CDH22: variants seen among roughly 807,000 people sequenced by gnomAD.
CDH22 encodes cadherin-22.
In CDH22, 30 loss-of-function variants were observed where a neutral mutation model predicts 58.4. The ratio of observed to expected loss-of-function variants is 0.51; its 90% CI spans 0.38 to 0.70. The LOEUF (loss-of-function observed/expected upper bound fraction) is 0.70. Ranked by LOEUF, CDH22 falls within the 30% of genes least tolerant of loss-of-function variation. CDH22 has a pLI of 0.00. For missense variants in CDH22, 1,014 were observed against 1,233.9 expected, an observed-to-expected ratio of 0.82 and a Z score of 2.67; for synonymous variants, 513 against 558.2, an observed-to-expected ratio of 0.92 and a Z score of 1.14.
At chr20:46,229,287 T>C (rs1306951051) in intron 3 of CDH22, among the ~76,000 whole-genome samples, 1 of 113,522 alleles carries the variant, frequency 8.8e-6, no homozygotes, top group African/African-American at 4.8e-5. Context: ...AGATGCAGAG[T>C]GGCCCCCCCC....
In CDH22 at chr20:46,177,988, C is replaced by T. The variant is rs35412957; in HGVS notation, c.1873G>A (p.Gly625Ser). ...CAGACCAAGAGGGCGATGAGGGCGCCGGGGCTGAGGGAGGCGGCCATGACA... is the reference window on the plus strand; with the variant it reads ...CAGACCAAGAGGGCGATGAGGGCGCTGGGGCTGAGGGAGGCGGCCATGACA... ...AFVMAASLSP[G>S]ALIALLVCVL... The change falls in exon 11 of 12, where the codon GGC becomes AGC. Residue 625 changes from glycine to serine, a missense_variant. Coordinates refer to ENST00000537909, the MANE Select transcript of CDH22 (RefSeq NM_021248.3). 1.2e-5 allele frequency: 20 copies of T among 1,613,814 alleles called. No individual in the cohort carries two copies. The highest frequency in any genetic ancestry group is 4.0e-5 in the African/African-American group (3 of 74,882).
chr20:46,179,875 T>A (rs2085771967), intron 10 of CDH22, among the ~76,000 whole-genome samples: 1 of 152,204 alleles, frequency 6.6e-6, no homozygotes, highest in Admixed American at 6.5e-5. Flanking sequence ...CGGCTCCCTG[T>A]CTAGGCCGCC....
chr20:46,178,315 C>A, intron 10 of CDH22, 118 bp from the exon 11 acceptor site: 2 of 1,116,168 alleles, frequency 1.8e-6, no homozygotes, highest in African/African-American at 1.5e-5. Context: ...TACAGCCTCC[C>A]AATGGACTCA....
chr20:46,308,372 GA>G lies in CDH22; in HGVS notation c.-518del. 1 of 192,262 alleles carries G rather than the reference GA, an allele frequency of 5.2e-6. No homozygotes were observed. The allele number at this position is 192,262 out of a possible 1,614,324, so 11.9% of individuals were successfully genotyped here. ...GCCCCGCGGCCGCCCGCAGGAGCCG[GA>G]GGGAGAGCGGGAGCGAGAGGGGGAG... On this transcript the variant is annotated 5_prime_UTR_variant, in exon 1 of 12. Coordinates refer to ENST00000537909, the MANE Select transcript of CDH22 (RefSeq NM_021248.3). The surrounding 1 kb of genome is among the most constrained non-coding windows in gnomAD (Gnocchi z 4.3).
At chr20:46,260,306 T>G (rs1054860694) in intron 1 of CDH22, among the ~76,000 whole-genome samples, 1 of 152,210 alleles carries the variant, frequency 6.6e-6, no homozygotes, top group Non-Finnish European at 1.5e-5. Flanking sequence ...CAGAACAATC[T>G]GTGTCCTTGG....
At chr20:46,277,220 A>G (rs1484737089) in intron 1 of CDH22, among the ~76,000 whole-genome samples, 2 of 152,268 alleles carry the variant, frequency 1.3e-5, no homozygotes, top group Non-Finnish European at 2.9e-5. Flanking sequence ...AGGCTGTTAG[A>G]ATGGTCCCTT....
chr20:46,178,219 C>A (rs748954887), intron 10 of CDH22, 22 bp from the exon 11 acceptor site: 1 of 1,601,826 alleles, frequency 6.2e-7, no homozygotes, highest in Admixed American at 1.7e-5. Flanking sequence ...GAAGGGGGAG[C>A]GGTGTGACTT....
At chr20:46,181,124 G>A (rs1381152353) in intron 10 of CDH22, among the ~76,000 whole-genome samples, 2 of 151,992 alleles carry the variant, frequency 1.3e-5, no homozygotes, top group Non-Finnish European at 2.9e-5. Context: ...CACCATGCTA[G>A]TCGCCATGAG....
intron 10 of CDH22, among the ~76,000 whole-genome samples, chr20:46,179,305 T>G (rs2085767709): frequency 6.6e-6 from 1 of 152,214 alleles, no homozygotes; most frequent in Non-Finnish European, 1.5e-5. Context: ...AGTCTGCTGT[T>G]TCTAATCTGA....
At chr20:46,186,102 T>C (rs1316370283) in intron 10 of CDH22, among the ~76,000 whole-genome samples, 1 of 150,332 alleles carries the variant, frequency 6.7e-6, no homozygotes, top group African/African-American at 2.5e-5. Context: ...TGCTCCGAGC[T>C]ACTTGGGAGG....
chr20:46,183,861 C>T (rs1431505341), intron 10 of CDH22, among the ~76,000 whole-genome samples: 1 of 152,188 alleles, frequency 6.6e-6, no homozygotes, highest in Non-Finnish European at 1.5e-5. Flanking sequence ...GGCCCCCTCG[C>T]TGACCACATC....
intron 1 of CDH22, among the ~76,000 whole-genome samples, chr20:46,264,711 A>T (rs2086449812): frequency 6.6e-6 from 1 of 152,114 alleles, no homozygotes; most frequent in Non-Finnish European, 1.5e-5. Flanking sequence ...GGCTCTCAGC[A>T]TGAACCATGT....
chr20:46,181,866 G>T (rs2085792030), intron 10 of CDH22, among the ~76,000 whole-genome samples: 1 of 149,108 alleles, frequency 6.7e-6, no homozygotes, highest in East Asian at 2.0e-4. Flanking sequence ...ACCCAAATTG[G>T]AGTGCAGTGG....
chr20:46,231,999 T>G (rs946566872), intron 3 of CDH22, among the ~76,000 whole-genome samples: 12 of 152,164 alleles, frequency 7.9e-5, no homozygotes, highest in Non-Finnish European at 4.4e-5. Context: ...TCTCTCCGTA[T>G]CATCAGGAGG....
At chr20:46,189,855 T>C (rs2085851296) in intron 8 of CDH22, among the ~76,000 whole-genome samples, 1 of 152,176 alleles carries the variant, frequency 6.6e-6, no homozygotes, top group Non-Finnish European at 1.5e-5. Flanking sequence ...GCCACTGCCA[T>C]TGCCCTTGTG....
At position 46,251,094 on chromosome 20, in the gene CDH22, G is replaced by T. The variant is rs905708542; in HGVS notation, c.201C>A (p.Asn67Lys). 1.5e-5 allele frequency: 24 copies of T among 1,610,620 alleles called. No homozygotes were observed. The Admixed American group carries it at 2.8e-4, about 19-fold the overall frequency. Residue 67 changes from asparagine to lysine, a missense_variant, in exon 2 of 12, where the codon AAC becomes AAA. Asn to Lys is a moderately conservative substitution (Grantham distance 94, BLOSUM62 0). This residue lies in a region of CDH22 where 806 missense variants were observed against 1,038.7 expected (regional missense o/e 0.78). Coordinates refer to ENST00000537909, the MANE Select transcript of CDH22 (RefSeq NM_021248.3). The surrounding 1 kb of genome is among the most constrained non-coding windows in gnomAD (Gnocchi z 6.7). ...AGRVKRGWVW[N>K]QFFVVEEYTG... Reference sequence around the variant, plus strand: ...TGTACTCCTCTACCACGAAGAACTGGTTCCACACCCAGCCGCGTTTGACGC... The same window carrying T: ...TGTACTCCTCTACCACGAAGAACTGTTTCCACACCCAGCCGCGTTTGACGC...
At chr20:46,217,118 G>GC in intron 4 of CDH22, 125 bp from the exon 5 acceptor site, 1 of 847,882 alleles carries the variant, frequency 1.2e-6, no homozygotes, top group Non-Finnish European at 1.8e-6. Context: ...AGGAGAGTGG[G>GC]CCACACAAGG....
At position 46,174,409 on chromosome 20, in the gene CDH22, G is replaced by T; in HGVS notation, c.*97C>A. The T allele has an allele frequency of 1.2e-6, 1 of 831,270 alleles. No individual in the cohort carries two copies. The highest frequency in any genetic ancestry group is 1.7e-6 in the Non-Finnish European group (1 of 573,168). 51.5% of individuals were successfully genotyped at this position (831,270 alleles called of 1,614,324 possible). On this transcript the variant is annotated 3_prime_UTR_variant, in exon 12 of 12. Transcript: ENST00000537909. The surrounding 1 kb of genome is among the most constrained non-coding windows in gnomAD (Gnocchi z 4.4). ...CAGCCGCCAAGGGAGGGTTGGGGGA[G>T]GGCAGGAAAGGGGGTCCGCGGGGGA... is the stretch of plus-strand genomic sequence containing the variant.
chr20:46,242,972 C>T (rs536266797), intron 2 of CDH22, among the ~76,000 whole-genome samples: 2 of 152,272 alleles, frequency 1.3e-5, no homozygotes, highest in African/African-American at 4.8e-5. Context: ...CAATCAGAAA[C>T]ACCTAAGTCC....
Sources: gnomAD v4.1 joint callset for allele counts (sites outside exome capture counted in the v4.1 genomes callset) on GRCh38, gnomAD v4.1.1 for gene constraint, gnomAD v4.1.1 regional missense constraint, Gnocchi (gnomAD v3.1) non-coding constraint, MANE v1.5 for transcripts, NCBI Gene and HGNC (gene_info 2026-07-23, HGNC 2026-07-21) for gene names.